Variants in MED23 observed in about 807,000 individuals in gnomAD.
The protein encoded by MED23 is mediator of RNA polymerase II transcription subunit 23.
Under a neutral mutation model 163.9 loss-of-function variants are expected in MED23, and 105 were observed. That is an observed-to-expected ratio of 0.64 (90% CI 0.55 to 0.75). MED23 has a LOEUF of 0.75. Among genes scored for constraint, MED23 ranks in the 30% least tolerant of loss-of-function variants. MED23 has a pLI of 0.00. For synonymous variants in MED23, 561 were observed against 565.6 expected, an observed-to-expected ratio of 0.99 and a Z score of 0.12; for missense variants, 1,054 against 1,649.0, an observed-to-expected ratio of 0.64 and a Z score of 6.25.
chr6:131,623,400 G>A lies in MED23; in HGVS notation c.347C>T (p.Ala116Val), dbSNP rs1459897078. 5 of 1,613,910 alleles carry A rather than the reference G, an allele frequency of 3.1e-6. No homozygotes were observed. In the East Asian group the frequency reaches 1.1e-4, roughly 36 times the overall value. Residue 116 changes from alanine (A) to valine (V), a missense_variant, in exon 5 of 29, where the codon GCC becomes GTC. By Grantham distance (64) the Ala-to-Val change is moderately conservative (BLOSUM62 0). This residue lies in a region of MED23 where 227 missense variants were observed against 235.5 expected (regional missense o/e 0.96). Transcript: ENST00000368068. ...TLEWERTQLW[A>V]LTFKLVRKII... is the part of the protein sequence containing the mutation. ...TTTCCGAACCAGTTTAAATGTTAAG[G>A]CCCAAAGCTGTGTTCTTTCCCACTC...
intron 11 of MED23, 133 bp downstream of exon 11, chr6:131,609,913 A>C (rs1776156034): frequency 5.0e-6 from 4 of 807,330 alleles, no homozygotes; most frequent in Admixed American, 2.3e-5. Flanking sequence ...AGAAACTATA[A>C]AAGCACTAAA....
chr6:131,576,862 A>T, intron 30 of MED23: 1 of 800,820 alleles, frequency 1.2e-6, no homozygotes, highest in Non-Finnish European at 2.1e-6. Context: ...TTACAACCCG[A>T]GAAACACATC....
intron 14 of MED23, among the ~76,000 whole-genome samples, chr6:131,604,815 T>G (rs1775736941): frequency 6.6e-6 from 1 of 152,162 alleles, no homozygotes; most frequent in Admixed American, 6.5e-5. Flanking sequence ...ATGCTCCACT[T>G]GGAGGCCCAC....
chr6:131,589,738 T>G, intron 27 of MED23, 142 bp from the exon 28 acceptor site: 1 of 760,766 alleles, frequency 1.3e-6, no homozygotes, highest in Non-Finnish European at 2.3e-6. Context: ...TACACCTCTA[T>G]GCACATGAGA....
intron 10 of MED23, among the ~76,000 whole-genome samples, chr6:131,611,150 G>A (rs1181908239): frequency 6.6e-6 from 1 of 151,982 alleles, no homozygotes; most frequent in African/African-American, 2.4e-5. Flanking sequence ...TACTAATACA[G>A]ATCTTTCCCC....
chr6:131,628,196 G>C lies in MED23; in HGVS notation c.-147C>G. 1.1e-6 allele frequency: 1 copy of C among 909,894 alleles called. No homozygotes were observed. The highest frequency in any genetic ancestry group is 1.8e-6 in the Non-Finnish European group (1 of 566,706). 56.4% of individuals were successfully genotyped at this position (909,894 alleles called of 1,614,324 possible). ...TTCCTCCCCCAGCGCTTTACCTGGA[G>C]CGTTCCCTCCCGAGCCCAGCCAACA... On this transcript the variant is annotated 5_prime_UTR_variant, in exon 1 of 29. Transcript: ENST00000368068.
Position 131,595,963 on chromosome 6 carries a change from G to A in MED23, c.2979C>T (p.Gly993=). Residue 993 remains glycine (G), a synonymous_variant, in exon 22 of 29, where the codon GGC becomes GGT. Coordinates refer to ENST00000368068, the MANE Select transcript of MED23 (RefSeq NM_004830.4). Reference sequence around the variant, plus strand: ...AAAGCTCACCATGAAATTTATATAAGCCTCCTAGATGATCCAGTAGAGTCT... The same window carrying A: ...AAAGCTCACCATGAAATTTATATAAACCTCCTAGATGATCCAGTAGAGTCT... ...SLETLLDHLG[G]LYKFHDRPVT... 2 of 1,613,574 alleles carry A rather than the reference G, an allele frequency of 1.2e-6. No homozygotes were observed. Among genetic ancestry groups the A allele is most frequent in the Middle Eastern group, 1.7e-4 (1 of 6,042 alleles).
At chr6:131,601,595 C>A (rs1775487129) in intron 17 of MED23, among the ~76,000 whole-genome samples, 1 of 152,092 alleles carries the variant, frequency 6.6e-6, no homozygotes, top group Non-Finnish European at 1.5e-5. Context: ...TAAAATACTC[C>A]TCTCTTTCCA....
chr6:131,618,107 C>A (rs962127701), intron 9 of MED23, among the ~76,000 whole-genome samples: 3 of 152,072 alleles, frequency 2.0e-5, no homozygotes, highest in Non-Finnish European at 4.4e-5. Context: ...AGCTCTACTA[C>A]TTTTAAAATG....
At position 131,598,458 on chromosome 6, in the gene MED23, C is replaced by T. The variant is rs1447252946; in HGVS notation, c.2436G>A (p.Glu812=). 1.1e-5 allele frequency: 17 copies of T among 1,614,146 alleles called. No individual in the cohort carries two copies. Among genetic ancestry groups the T allele is most frequent in the Non-Finnish European group, 1.4e-5 (16 of 1,180,010 alleles). The change falls in exon 20 of 29, where the codon GAG becomes GAA. Residue 812 remains glutamate (E), a synonymous_variant. Transcript: ENST00000368068. The surrounding 1 kb of genome is among the most constrained non-coding windows in gnomAD (Gnocchi z 4.7). ...HINQIGYRVL[E]RIGARALVAH... is the part of the protein sequence containing the mutation. Reference sequence around the variant, plus strand: ...CTACCAAGGCCCTGGCTCCAATTCTCTCTAATACTCTGGAAGGCAGAGAGT... The same window carrying T: ...CTACCAAGGCCCTGGCTCCAATTCTTTCTAATACTCTGGAAGGCAGAGAGT...
chr6:131,586,509 G>A (rs1308131530), downstream of MED23, among the ~76,000 whole-genome samples: 2 of 152,102 alleles, frequency 1.3e-5, no homozygotes, highest in East Asian at 3.9e-4. Context: ...GCAATTACAT[G>A]AGCTACAAAG....
chr6:131,609,591 C>T (rs373636637), intron 11 of MED23, among the ~76,000 whole-genome samples: 21 of 144,352 alleles, frequency 1.5e-4, no homozygotes, highest in African/African-American at 5.4e-4. Flanking sequence ...TGGCTCACTG[C>T]AACCTTAGGG....
chr6:131,596,473 T>C (rs773012184), intron 21 of MED23, 45 bp downstream of exon 21: 59 of 1,602,900 alleles, frequency 3.7e-5, no homozygotes, highest in Non-Finnish European at 4.8e-5. Flanking sequence ...AATACTCAAG[T>C]ATGGCTTTAA....
chr6:131,608,352 C>T (rs1282766338), intron 11 of MED23, among the ~76,000 whole-genome samples: 1 of 152,090 alleles, frequency 6.6e-6, no homozygotes, highest in East Asian at 1.9e-4. Context: ...TAGTCATATA[C>T]AACATGCACA....
intron 9 of MED23, 110 bp from the exon 10 acceptor site, chr6:131,616,112 G>C (rs1776669936): frequency 2.4e-5 from 20 of 835,468 alleles, no homozygotes; most frequent in Non-Finnish European, 3.7e-5. Flanking sequence ...CCTTCACAGA[G>C]TAGGCAGTAT....
At position 131,598,857 on chromosome 6, in the gene MED23, A is replaced by G; in HGVS notation, c.2221-96T>C. The G allele has an allele frequency of 8.4e-7, 1 of 1,183,630 alleles. No individual in the cohort carries two copies. Among genetic ancestry groups the G allele is most frequent in the Non-Finnish European group, 1.2e-6 (1 of 804,394 alleles). The allele number at this position is 1,183,630 out of a possible 1,614,324, so 73.3% of individuals were successfully genotyped here. A position where few individuals can be genotyped will look rare whatever the true frequency, so the allele number is the denominator to read the frequency against. On this transcript the variant is annotated intron_variant, in intron 18 of 28. Transcript: ENST00000368068. This position sits in a 1 kb window ranked among gnomAD's most constrained non-coding sequence, Gnocchi z 4.7. The stretch of plus-strand genomic sequence containing the variant: ...CAGTTCTAGACTTGATTCTGACACT[A>G]ATAAACTCTAGGTCACCTTGAGCAA...
rs151307297 is a variant in MED23, at chr6:131,625,106, T to C, written c.160-117A>G. On this transcript the variant is annotated intron_variant, in intron 3 of 28. Coordinates refer to ENST00000368068, the MANE Select transcript of MED23 (RefSeq NM_004830.4). ...TGAAAGAAATACTTCACTATGAGCA[T>C]CTGTGGATGAAAATAATTTTTAAAA... The C allele has an allele frequency of 5.3e-5, 60 of 1,134,580 alleles. No homozygotes were observed. The African/African-American group carries it at 8.6e-4, about 16-fold the overall frequency. 70.3% of individuals were successfully genotyped at this position (1,134,580 alleles called of 1,614,324 possible).
At chr6:131,615,519 A>AAAAAAAAAAAAAAAAAAAAAC in intron 10 of MED23, among the ~76,000 whole-genome samples, 1 of 147,512 alleles carries the variant, frequency 6.8e-6, no homozygotes, top group Non-Finnish European at 1.5e-5. Flanking sequence ...AAAAAAAAAA[A>AAAAAAAAAAAAAAAAAAAAAC]AAAAAAAAAA....
chr6:131,574,069 T>C (rs1773496913), exon 31 of MED23: 2 of 601,588 alleles, frequency 3.3e-6, no homozygotes, highest in Non-Finnish European at 6.0e-6. Context: ...ATACACTTTT[T>C]TTTCTGCCTG....
Sources: gnomAD v4.1 joint callset for allele counts (sites outside exome capture counted in the v4.1 genomes callset) on GRCh38, gnomAD v4.1.1 for gene constraint, gnomAD v4.1.1 regional missense constraint, Gnocchi (gnomAD v3.1) non-coding constraint, MANE v1.5 for transcripts, NCBI Gene and HGNC (gene_info 2026-07-23, HGNC 2026-07-21) for gene names.